The following SMC6 variants were observed in gnomAD, a reference collection of about 807,000 sequenced individuals.
SMC6 encodes structural maintenance of chromosomes protein 6.
A neutral mutation model predicts 142.2 loss-of-function variants in SMC6; 79 were observed. The ratio of observed to expected loss-of-function variants is 0.56; its 90% CI spans 0.46 to 0.67. The LOEUF (loss-of-function observed/expected upper bound fraction) is 0.67, where lower values mean the gene tolerates loss of function less well. Among genes scored for constraint, SMC6 ranks in the 30% least tolerant of loss-of-function variants. SMC6 has a pLI of 0.00. For missense variants in SMC6, 1,072 were observed against 1,284.0 expected (o/e 0.83, Z 2.52); for synonymous variants, 411 against 412.4 (o/e 1.00, Z 0.04).
At chr2:17,720,894 T>A in intron 11 of SMC6, 46 bp downstream of exon 11, 1 of 1,481,904 alleles carries the variant, frequency 6.7e-7, no homozygotes, top group Non-Finnish European at 9.4e-7. Flanking sequence ...ATCTGTAATT[T>A]CATATGATTC....
At chr2:17,708,025 CATTT>C (rs1353762397) in intron 17 of SMC6, among the ~76,000 whole-genome samples, 3 of 145,794 alleles carry the variant, frequency 2.1e-5, no homozygotes, top group Admixed American at 6.8e-5. Context: ...CACACACACA[CATTT>C]GAGTTATCTA....
chr2:17,718,094 C>A lies in SMC6; in HGVS notation c.1075G>T (p.Ala359Ser). 1.2e-6 allele frequency: 2 copies of A among 1,609,004 alleles called. No homozygotes were observed. The highest frequency in any genetic ancestry group is 1.7e-6 in the Non-Finnish European group (2 of 1,177,316). ...TATCTCACCTCAGCTTCATTATAGG[C>A]CCTTTTCTTAGCAACAACATCTGCT... Reference protein sequence around the residue: ...LKADVVAKKRAYNEAEVLYNR... With the variant: ...LKADVVAKKRSYNEAEVLYNR... Residue 359 changes from alanine (A) to serine (S), a missense_variant, in exon 12 of 28, where the codon GCC (alanine) becomes TCC (serine). By Grantham distance (99) the Ala-to-Ser change is moderately conservative. Around this residue, in one of 3 missense-constraint regions of SMC6, gnomAD observed 994 missense variants for 1,153.2 expected, o/e 0.86. Coordinates refer to ENST00000448223, the MANE Select transcript of SMC6 (RefSeq NM_001142286.2).
chr2:17,670,308 T>A, intron 26 of SMC6, 115 bp downstream of exon 26: 1 of 1,064,184 alleles, frequency 9.4e-7, no homozygotes, highest in African/African-American at 1.6e-5. Flanking sequence ...GACTAAAGAG[T>A]CAGGGCAGGA....
chr2:17,692,345 T>C (rs1039949639), intron 23 of SMC6, among the ~76,000 whole-genome samples: 4 of 152,192 alleles, frequency 2.6e-5, no homozygotes, highest in African/African-American at 7.2e-5. Flanking sequence ...ATGGTACTGG[T>C]ACCAAAACAG....
At chr2:17,679,247 T>C (rs1413919207) in intron 24 of SMC6, 2 of 280,298 alleles carry the variant, frequency 7.1e-6, no homozygotes, top group Non-Finnish European at 6.7e-6. Flanking sequence ...TATACCACAG[T>C]CAGTGCTTAG....
At chr2:17,673,948 G>C (rs1470621685) in intron 25 of SMC6, among the ~76,000 whole-genome samples, 1 of 152,122 alleles carries the variant, frequency 6.6e-6, no homozygotes, top group Non-Finnish European at 1.5e-5. Flanking sequence ...CTCTTCCACA[G>C]GCTTGCAGTG....
In SMC6 at chr2:17,696,313, C is replaced by A. The variant is rs368154909; in HGVS notation, c.2508G>T (p.Leu836=). ...CCTCTAGTTCTTTCTCTTTCATATCCAGTTCTCGTTTCTTTTTATTTAAGG... is the reference window on the plus strand; with the variant it reads ...CCTCTAGTTCTTTCTCTTTCATATCAAGTTCTCGTTTCTTTTTATTTAAGG... ...LDTLNKKKRE[L]DMKEKELEEK... is the part of the protein sequence containing the mutation. Residue 836 remains leucine (L), a synonymous_variant, in exon 22 of 28, where the codon CTG becomes CTT. Coordinates refer to ENST00000448223, the MANE Select transcript of SMC6 (RefSeq NM_001142286.2). 3.9e-5 allele frequency: 62 copies of A among 1,593,988 alleles called. No homozygotes were observed. Among genetic ancestry groups the A allele is most frequent in the Non-Finnish European group, 5.1e-5 (60 of 1,173,854 alleles).
rs749208481 is a variant in SMC6 at position 17,718,092 on chromosome 2, G to A, written c.1077C>T (p.Ala359=). 9 of 1,608,030 alleles carry A rather than the reference G, an allele frequency of 5.6e-6. No homozygotes were observed. In the Admixed American group the frequency reaches 6.7e-5, roughly 12 times the overall value. ...LKADVVAKKR[A]YNEAEVLYNR... ...TTTATCTCACCTCAGCTTCATTATA[G>A]GCCCTTTTCTTAGCAACAACATCTG... Residue 359 remains alanine, a synonymous_variant, in exon 12 of 28, where the codon GCC becomes GCT. Transcript: ENST00000448223.
At chr2:17,746,044 G>T (rs988766093) in intron 2 of SMC6, 93 bp from the exon 3 acceptor site, 1 of 1,217,278 alleles carries the variant, frequency 8.2e-7, no homozygotes, top group Non-Finnish European at 1.1e-6. Context: ...TTAAACTTTA[G>T]GTACTATGTC....
Position 17,714,983 on chromosome 2 carries a change from G to T in SMC6, c.1608C>A (p.Cys536Ter). The T allele has an allele frequency of 6.2e-7, 1 of 1,613,936 alleles. No individual in the cohort carries two copies. Among genetic ancestry groups the T allele is most frequent in the Non-Finnish European group, 8.5e-7 (1 of 1,179,946 alleles). The change falls in exon 16 of 28, where the codon TGC becomes TGA. Residue 536 changes from cysteine (C) to a stop codon, truncating the protein, a stop_gained. Transcript: ENST00000448223. LOFTEE classifies it high-confidence loss of function. ...CLKGLLQAYC[C>*]HNHADERVLQ... ...GGACCCTTTCATCAGCATGATTATG[G>T]CAACAATAGGCCTGCAGAAGCCCTT... is the stretch of plus-strand genomic sequence containing the variant.
chr2:17,683,907 C>A, intron 23 of SMC6, 144 bp from the exon 24 acceptor site: 1 of 735,106 alleles, frequency 1.4e-6, no homozygotes, highest in Non-Finnish European at 2.3e-6. Flanking sequence ...TCATAAATTT[C>A]CAGGCAAATT....
intron 26 of SMC6, among the ~76,000 whole-genome samples, chr2:17,667,807 G>A (rs1447796761): frequency 2.0e-5 from 3 of 152,126 alleles, no homozygotes; most frequent in East Asian, 1.9e-4. Context: ...CTGAAATCAC[G>A]CCACTGCACT....
chr2:17,712,660 T>C (rs977881289), intron 16 of SMC6, among the ~76,000 whole-genome samples: 1 of 152,240 alleles, frequency 6.6e-6, no homozygotes, highest in African/African-American at 2.4e-5. Context: ...ATGTATCTGA[T>C]GCATTATAAT....
intron 23 of SMC6, among the ~76,000 whole-genome samples, chr2:17,687,990 G>A (rs547736641): frequency 1.3e-5 from 2 of 152,072 alleles, no homozygotes; most frequent in Non-Finnish European, 1.5e-5. Flanking sequence ...AAATATTAAC[G>A]TTGTTGAGAG....
intron 9 of SMC6, among the ~76,000 whole-genome samples, chr2:17,723,578 A>G (rs117380209): frequency 0.013 from 1,950 of 152,258 alleles, 24 homozygotes; most frequent in East Asian, 0.031. Flanking sequence ...TTTTCTTCTT[A>G]GGCATCACTT....
intron 11 of SMC6, among the ~76,000 whole-genome samples, chr2:17,718,433 G>C (rs914498443): frequency 6.6e-6 from 1 of 152,052 alleles, no homozygotes. Context: ...ATCCTCTTGG[G>C]ATACAAAGAC....
At chr2:17,736,717 A>AG (rs1670170576) in intron 5 of SMC6, among the ~76,000 whole-genome samples, 1 of 151,772 alleles carries the variant, frequency 6.6e-6, no homozygotes, top group Non-Finnish European at 1.5e-5. Flanking sequence ...TAAAAAAAAA[A>AG]AAAAAAATTA....
At chr2:17,720,206 A>C (rs1466184742) in intron 11 of SMC6, among the ~76,000 whole-genome samples, 2 of 152,222 alleles carry the variant, frequency 1.3e-5, no homozygotes, top group Admixed American at 1.3e-4. Context: ...AGCTGTTCAA[A>C]ACAGAAAGAG....
At chr2:17,703,559 G>A (rs988727379) in intron 18 of SMC6, among the ~76,000 whole-genome samples, 19 of 144,602 alleles carry the variant, frequency 1.3e-4, no homozygotes, top group African/African-American at 4.8e-4. Flanking sequence ...TGAAATATGT[G>A]GGTCCACTTA....
Sources: gnomAD v4.1 joint callset for allele counts (sites outside exome capture counted in the v4.1 genomes callset) on GRCh38, gnomAD v4.1.1 for gene constraint, gnomAD v4.1.1 regional missense constraint, MANE v1.5 for transcripts, NCBI Gene and HGNC (gene_info 2026-07-23, HGNC 2026-07-21) for gene names.